Variants in RAPGEF1 observed in about 807,000 individuals in gnomAD.
The protein encoded by RAPGEF1 is CRK SH3-binding GNRP.
In RAPGEF1, 33 loss-of-function variants were observed where a neutral mutation model predicts 143.3. That is an observed-to-expected ratio of 0.23 (90% CI 0.17 to 0.31). The LOEUF is 0.31. RAPGEF1 is among the 10% of genes least tolerant of loss of function. The probability of loss-of-function intolerance (pLI) is 1.00; values close to 1 mark genes in which losing one functional copy is unlikely to be tolerated. For missense variants in RAPGEF1, 1,199 were observed against 1,645.4 expected, an observed-to-expected ratio of 0.73 and a Z score of 4.69; for synonymous variants, 629 against 676.5, an observed-to-expected ratio of 0.93 and a Z score of 1.09.
chr9:131,607,329 C>T (rs1957277833), intron 12 of RAPGEF1, among the ~76,000 whole-genome samples: 1 of 152,144 alleles, frequency 6.6e-6, no homozygotes, highest in Non-Finnish European at 1.5e-5. Context: ...GCCGCCCTCA[C>T]CTACACCCTC....
intron 1 of RAPGEF1, among the ~76,000 whole-genome samples, chr9:131,705,902 T>C (rs948588507): frequency 6.6e-6 from 1 of 152,184 alleles, no homozygotes; most frequent in Non-Finnish European, 1.5e-5. Context: ...GTGTAGGACA[T>C]GGAAACACAC....
chr9:131,645,835 T>C (rs1969445902), intron 3 of RAPGEF1, among the ~76,000 whole-genome samples: 1 of 152,210 alleles, frequency 6.6e-6, no homozygotes, highest in African/African-American at 2.4e-5. Context: ...AGGCTGTCCG[T>C]GTCTGGGGAT....
chr9:131,736,942 T>C (rs1318712566), intron 1 of RAPGEF1, among the ~76,000 whole-genome samples: 1 of 152,060 alleles, frequency 6.6e-6, no homozygotes, highest in South Asian at 2.1e-4. Context: ...GGGAAGTCCA[T>C]TAAAAAAACT....
At chr9:131,589,629 G>A (rs1418744105) in intron 19 of RAPGEF1, among the ~76,000 whole-genome samples, 1 of 152,228 alleles carries the variant, frequency 6.6e-6, no homozygotes, top group East Asian at 1.9e-4. Flanking sequence ...AAGATACCAT[G>A]GGAGCAGGTG....
chr9:131,614,464 G>A (rs921536360), intron 12 of RAPGEF1, among the ~76,000 whole-genome samples: 8 of 152,186 alleles, frequency 5.3e-5, no homozygotes, highest in African/African-American at 1.7e-4. Flanking sequence ...CTTTAGGCCC[G>A]TCAGTGTGCC....
At chr9:131,711,525 T>C (rs751664492) in intron 1 of RAPGEF1, among the ~76,000 whole-genome samples, 1 of 151,922 alleles carries the variant, frequency 6.6e-6, no homozygotes. Context: ...CCCAGCTAAT[T>C]TGTGTATTTT....
intron 1 of RAPGEF1, among the ~76,000 whole-genome samples, chr9:131,697,560 A>G (rs1460618910): frequency 1.3e-5 from 2 of 152,152 alleles, no homozygotes; most frequent in Non-Finnish European, 2.9e-5. Context: ...CCCAGGACAC[A>G]CTGCAGCCAC....
At chr9:131,598,859 C>G (rs1185506854) in intron 15 of RAPGEF1, among the ~76,000 whole-genome samples, 2 of 147,898 alleles carry the variant, frequency 1.4e-5, no homozygotes, top group African/African-American at 2.5e-5. Context: ...GAGTCTCGCT[C>G]TGTCACCCAG....
chr9:131,701,112 TG>T (rs1397094494), intron 1 of RAPGEF1, among the ~76,000 whole-genome samples: 1 of 152,154 alleles, frequency 6.6e-6, no homozygotes, highest in African/African-American at 2.4e-5. Flanking sequence ...GAAAAGTGAT[TG>T]GAAAAGTGAT....
intron 12 of RAPGEF1, among the ~76,000 whole-genome samples, chr9:131,606,341 G>A (rs1473131236): frequency 6.6e-6 from 1 of 152,210 alleles, no homozygotes; most frequent in Non-Finnish European, 1.5e-5. Flanking sequence ...CTGCCATCAT[G>A]CTGCTACCAT....
Position 131,621,780 on chromosome 9 carries a change from G to A in RAPGEF1, c.1905+16C>T, listed in dbSNP as rs771666880. On this transcript the variant is annotated intron_variant, in intron 11 of 26. Coordinates refer to ENST00000683357, the MANE Select transcript of RAPGEF1 (RefSeq NM_001377935.1). This position sits in a 1 kb window ranked among gnomAD's most constrained non-coding sequence, Gnocchi z 4.5. ...TAGGATCGGAAGTTCTAGTCACAAG[G>A]GAAGGTGTCACTCACCAGCTGCCGC... The A allele has an allele frequency of 1.5e-5, 24 of 1,591,948 alleles. No individual in the cohort carries two copies. Among genetic ancestry groups the A allele is most frequent in the Non-Finnish European group, 2.1e-5 (24 of 1,170,004 alleles).
intron 18 of RAPGEF1, 34 bp downstream of exon 18, chr9:131,592,065 G>A: frequency 6.6e-7 from 1 of 1,522,072 alleles, no homozygotes; most frequent in Non-Finnish European, 9.1e-7. Context: ...AATGCCCATG[G>A]TGCAGGGGCC....
rs1158071767 is a variant in RAPGEF1, at chr9:131,736,231, A to C, written c.61+3539T>G. 2.6e-5 allele frequency among the ~76,000 whole-genome samples: 4 copies of C among 152,056 alleles called. No individual in the cohort carries two copies. In the South Asian group the frequency reaches 8.3e-4, roughly 32 times the overall value. On this transcript the variant is annotated intron_variant, in intron 1 of 26. Transcript: ENST00000683357. Reference sequence around the variant, plus strand: ...CACAAGCTCACCCTGGGAGCTCCCTAATCTGTCCAGCTCTCTTCTACTCCC... The same window carrying C: ...CACAAGCTCACCCTGGGAGCTCCCTCATCTGTCCAGCTCTCTTCTACTCCC...
chr9:131,580,166 C>T, intron 26 of RAPGEF1, 97 bp downstream of exon 26: 1 of 1,502,422 alleles, frequency 6.7e-7, no homozygotes, highest in Admixed American at 1.9e-5. Flanking sequence ...CCTGGGTCCT[C>T]TGTGGCTCCC....
intron 3 of RAPGEF1, among the ~76,000 whole-genome samples, chr9:131,646,102 C>T (rs911961605): frequency 6.6e-6 from 1 of 152,154 alleles, no homozygotes; most frequent in South Asian, 2.1e-4. Flanking sequence ...TACCACTCAT[C>T]GGGGACATGG....
chr9:131,587,887 T>A, intron 21 of RAPGEF1, 55 bp downstream of exon 21: 1 of 1,596,736 alleles, frequency 6.3e-7, no homozygotes, highest in Admixed American at 1.7e-5. Context: ...CTGATGGGGG[T>A]TTCTCTCATT....
chr9:131,629,048 C>T, intron 7 of RAPGEF1, 54 bp downstream of exon 7: 1 of 1,575,974 alleles, frequency 6.3e-7, no homozygotes, highest in Non-Finnish European at 8.6e-7. Context: ...TGTCTTCCTC[C>T]CTTTCTTTCT....
At chr9:131,600,982 C>T (rs564462322) in intron 15 of RAPGEF1, among the ~76,000 whole-genome samples, 2 of 151,898 alleles carry the variant, frequency 1.3e-5, no homozygotes, top group Non-Finnish European at 2.9e-5. Context: ...GGTGAAACCC[C>T]GTCTCTACTA....
chr9:131,609,883 C>A (rs1427803174), intron 12 of RAPGEF1, among the ~76,000 whole-genome samples: 3 of 152,180 alleles, frequency 2.0e-5, no homozygotes, highest in African/African-American at 7.2e-5. Context: ...AGCAAGAAAG[C>A]AGGAAAGATC....
Sources: allele counts gnomAD v4.1 joint callset (sites outside exome capture counted in the v4.1 genomes callset), GRCh38; gene constraint gnomAD v4.1.1; non-coding constraint Gnocchi (gnomAD v3.1); transcripts MANE v1.5; gene names NCBI Gene and HGNC (gene_info 2026-07-23, HGNC 2026-07-21).